Variants in UBE2H observed in about 807,000 individuals in gnomAD.
UBE2H encodes the protein ubiquitin conjugating enzyme E2 H, also known as ubiquitin-conjugating enzyme E2 H.
UBE2H carries 3 observed loss-of-function variants against 29.0 expected under a neutral mutation model. The ratio of observed to expected loss-of-function variants is 0.10; its 90% CI spans 0.05 to 0.27. The LOEUF (loss-of-function observed/expected upper bound fraction) is 0.27, where lower values mean the gene tolerates loss of function less well. UBE2H is among the 10% of genes least tolerant of loss of function. The pLI, the probability that UBE2H is intolerant of heterozygous loss-of-function variation, is 1.00. For missense variants in UBE2H, 68 were observed against 228.2 expected, an observed-to-expected ratio of 0.30 and a Z score of 4.52; for synonymous variants, 69 against 82.9, an observed-to-expected ratio of 0.83 and a Z score of 0.91.
chr7:129,944,748 A>ACACGCACGCACG (rs1554441933), intron 1 of UBE2H, among the ~76,000 whole-genome samples: 5 of 140,040 alleles, frequency 3.6e-5, no homozygotes, highest in African/African-American at 1.3e-4. Flanking sequence ...ACACACACAC[A>ACACGCACGCACG]CACGCACGCA....
At chr7:129,927,879 G>C (rs944235480) in intron 1 of UBE2H, among the ~76,000 whole-genome samples, 2 of 152,102 alleles carry the variant, frequency 1.3e-5, no homozygotes, top group Non-Finnish European at 2.9e-5. Context: ...GTCTTAGTGT[G>C]CATTCGAAGG....
rs117440892 is a variant in UBE2H, at chr7:129,909,924, G to A, written c.54-28953C>T. 6.0e-3 allele frequency among the ~76,000 whole-genome samples: 911 copies of A among 152,200 alleles called. 9 individuals carry two copies. Among genetic ancestry groups the A allele is most frequent in the Non-Finnish European group, 8.9e-3 (604 of 67,992 alleles). On this transcript the variant is annotated intron_variant, in intron 1 of 6. Coordinates refer to ENST00000355621, the MANE Select transcript of UBE2H (RefSeq NM_003344.4). ...TAAAGTGGTCTGAGGGGAAAACAAA[G>A]GGGTCAATTAAAGCATACAGAAGAC...
At chr7:129,901,613 T>A (rs897179312) in intron 1 of UBE2H, among the ~76,000 whole-genome samples, 1 of 152,156 alleles carries the variant, frequency 6.6e-6, no homozygotes, top group African/African-American at 2.4e-5. Context: ...ATGATGACAC[T>A]TTCTTTTTTT....
At chr7:129,846,785 A>G (rs1205191478) in intron 5 of UBE2H, among the ~76,000 whole-genome samples, 1 of 152,144 alleles carries the variant, frequency 6.6e-6, no homozygotes, top group Non-Finnish European at 1.5e-5. Flanking sequence ...GCCAAGTGCC[A>G]AGAACCATCA....
At chr7:129,886,625 G>C (rs117436055) in intron 1 of UBE2H, among the ~76,000 whole-genome samples, 3 of 152,076 alleles carry the variant, frequency 2.0e-5, no homozygotes, top group Admixed American at 1.3e-4. Context: ...CATAAAGAAC[G>C]CGCTTCTGTG....
intron 1 of UBE2H, among the ~76,000 whole-genome samples, chr7:129,940,530 C>T (rs565900248): frequency 6.6e-6 from 1 of 152,318 alleles, no homozygotes; most frequent in African/African-American, 2.4e-5. Context: ...GCTACCTACT[C>T]CTCTCTCTGA....
chr7:129,944,399 T>C (rs894310268), intron 1 of UBE2H, among the ~76,000 whole-genome samples: 5 of 152,124 alleles, frequency 3.3e-5, no homozygotes, highest in African/African-American at 1.2e-4. Flanking sequence ...GAAACAACCG[T>C]TGTCACAATT....
intron 3 of UBE2H, among the ~76,000 whole-genome samples, chr7:129,867,725 A>AAAAAAAAAAAAC: frequency 2.2e-5 from 1 of 45,252 alleles, no homozygotes; most frequent in Non-Finnish European, 4.7e-5. Flanking sequence ...AAAGAAAACC[A>AAAAAAAAAAAAC]AAAAAAAAAA....
At chr7:129,849,226 G>A (rs752781631) in intron 5 of UBE2H, among the ~76,000 whole-genome samples, 8 of 152,034 alleles carry the variant, frequency 5.3e-5, no homozygotes, top group Non-Finnish European at 7.4e-5. Flanking sequence ...AAAACCAATC[G>A]GATAGGCAGG....
intron 3 of UBE2H, 123 bp downstream of exon 3, chr7:129,879,445 G>A: frequency 1.1e-6 from 1 of 924,768 alleles, no homozygotes; most frequent in Non-Finnish European, 1.7e-6. Flanking sequence ...ATTAACCAAA[G>A]CCAAAAAAGG....
chr7:129,834,966 C>T lies in UBE2H; in HGVS notation c.523G>A (p.Glu175Lys), dbSNP rs778682033. The T allele has an allele frequency of 1.2e-6, 2 of 1,613,554 alleles. No individual in the cohort carries two copies. Among genetic ancestry groups the T allele is most frequent in the Non-Finnish European group, 8.5e-7 (1 of 1,180,028 alleles). Residue 175 changes from glutamate (E) to lysine (K), a missense_variant, in exon 7 of 7, where the codon GAA becomes AAA. By Grantham distance (56) the Glu-to-Lys change is moderately conservative (BLOSUM62 1). Transcript: ENST00000355621. The part of the protein sequence containing the change: ...SSESSMSDFS[E>K]DEAQDMEL ...AACTCCATATCCTGGGCCTCATCTTCGGAAAAGTCAGACATAGAGCTCTCC... is the reference window on the plus strand; with the variant it reads ...AACTCCATATCCTGGGCCTCATCTTTGGAAAAGTCAGACATAGAGCTCTCC...
chr7:129,929,998 T>G (rs541907529), intron 1 of UBE2H, among the ~76,000 whole-genome samples: 61 of 151,958 alleles, frequency 4.0e-4, no homozygotes, highest in African/African-American at 8.9e-4. Context: ...CGACAAAGAC[T>G]CCATCTCAAA....
intron 3 of UBE2H, among the ~76,000 whole-genome samples, chr7:129,863,378 CT>C (rs2116327902): frequency 6.6e-6 from 1 of 152,272 alleles, no homozygotes; most frequent in South Asian, 2.1e-4. Context: ...ACTGCAGGCC[CT>C]GGGCAAGTCA....
chr7:129,868,226 G>A (rs998963785), intron 3 of UBE2H, among the ~76,000 whole-genome samples: 2 of 152,174 alleles, frequency 1.3e-5, no homozygotes, highest in African/African-American at 4.8e-5. Flanking sequence ...CAAGTGTGAT[G>A]GAAGTTTTAA....
intron 5 of UBE2H, among the ~76,000 whole-genome samples, chr7:129,856,513 G>A (rs1268026897): frequency 6.6e-6 from 1 of 151,732 alleles, no homozygotes; most frequent in African/African-American, 2.4e-5. Flanking sequence ...AGTAAAAGTG[G>A]ACCATAAAAA....
At chr7:129,915,837 T>A (rs1210588707) in intron 1 of UBE2H, among the ~76,000 whole-genome samples, 4 of 152,140 alleles carry the variant, frequency 2.6e-5, no homozygotes, top group Non-Finnish European at 5.9e-5. Flanking sequence ...CCTTTGTATC[T>A]CAAAATCCAT....
chr7:129,889,010 G>A (rs1472464157), intron 1 of UBE2H, among the ~76,000 whole-genome samples: 1 of 152,150 alleles, frequency 6.6e-6, no homozygotes, highest in African/African-American at 2.4e-5. Context: ...GGTGGGAGAA[G>A]GAATTTAATG....
At chr7:129,867,734 A>C (rs1413833389) in intron 3 of UBE2H, among the ~76,000 whole-genome samples, 1 of 135,548 alleles carries the variant, frequency 7.4e-6, no homozygotes, top group Non-Finnish European at 1.6e-5. Flanking sequence ...CAAAAAAAAA[A>C]AAAAAAAAGA....
At chr7:129,906,501 G>A (rs1204824241) in intron 1 of UBE2H, among the ~76,000 whole-genome samples, 2 of 152,120 alleles carry the variant, frequency 1.3e-5, no homozygotes, top group Non-Finnish European at 2.9e-5. Flanking sequence ...CACGCGCCCA[G>A]CCCTGAGTAA....
Sources: gnomAD v4.1 joint callset for allele counts (sites outside exome capture counted in the v4.1 genomes callset) on GRCh38, gnomAD v4.1.1 for gene constraint, MANE v1.5 for transcripts, NCBI Gene and HGNC (gene_info 2026-07-23, HGNC 2026-07-21) for gene names.